Variants in WARS1 observed in about 807,000 individuals in gnomAD.
WARS1 encodes tryptophan--tRNA ligase, cytoplasmic.
Under a neutral mutation model 47.8 loss-of-function variants are expected in WARS1, and 17 were observed. The ratio of observed to expected loss-of-function variants is 0.36; its 90% confidence interval spans 0.24 to 0.53. The LOEUF (loss-of-function observed/expected upper bound fraction) is 0.53. Among genes scored for constraint, WARS1 ranks in the 20% least tolerant of loss-of-function variants. The probability of loss-of-function intolerance (pLI) is 0.91; values close to 1 mark genes in which losing one functional copy is unlikely to be tolerated. For missense variants in WARS1, 434 were observed against 608.0 expected, an observed-to-expected ratio of 0.71 and a Z score of 3.01; for synonymous variants, 208 against 228.1, an observed-to-expected ratio of 0.91 and a Z score of 0.79.
intron 2 of WARS1, chr14:100,368,359 T>G: frequency 2.2e-6 from 1 of 452,562 alleles, no homozygotes; most frequent in South Asian, 1.6e-5. Flanking sequence ...ATAATGTCAG[T>G]GTACAGATAC....
At chr14:100,369,030 C>A in intron 2 of WARS1, 57 bp downstream of exon 2, 1 of 1,317,934 alleles carries the variant, frequency 7.6e-7, no homozygotes, top group Non-Finnish European at 1.0e-6. Context: ...AGGAACACAA[C>A]CCTACAGACT....
At chr14:100,367,280 C>T (rs1397242463) in intron 2 of WARS1, among the ~76,000 whole-genome samples, 2 of 151,978 alleles carry the variant, frequency 1.3e-5, no homozygotes, top group African/African-American at 4.8e-5. Context: ...TGAGAATTAA[C>T]GGCCATGAGT....
chr14:100,348,341 G>C (rs915909239), intron 6 of WARS1, among the ~76,000 whole-genome samples: 1 of 151,798 alleles, frequency 6.6e-6, no homozygotes, highest in Admixed American at 6.6e-5. Context: ...GGCCTGTAAC[G>C]GTCAAGGTCA....
intron 2 of WARS1, chr14:100,366,890 G>C: frequency 1.9e-6 from 3 of 1,609,506 alleles, no homozygotes; most frequent in Non-Finnish European, 2.6e-6. Flanking sequence ...ATATTACCTG[G>C]AGTCCCTGAA....
At chr14:100,344,946 G>A (rs1354758512) in intron 7 of WARS1, among the ~76,000 whole-genome samples, 1 of 148,808 alleles carries the variant, frequency 6.7e-6, no homozygotes, top group Non-Finnish European at 1.5e-5. Context: ...GTCCTGGAGG[G>A]AGGTGGGGGG....
intron 2 of WARS1, chr14:100,366,003 G>A (rs1230684620): frequency 2.2e-6 from 1 of 455,912 alleles, no homozygotes; most frequent in Admixed American, 2.3e-5. Flanking sequence ...GCTGGTTGAA[G>A]TCTCTTCAAG....
At chr14:100,336,688 G>C (rs1315693545) in intron 10 of WARS1, among the ~76,000 whole-genome samples, 1 of 152,206 alleles carries the variant, frequency 6.6e-6, no homozygotes, top group Non-Finnish European at 1.5e-5. Context: ...CTGCTCACTT[G>C]AGTGTGCCTT....
chr14:100,343,529 A>G (rs1177188304), intron 7 of WARS1, 142 bp from the exon 8 acceptor site: 1 of 582,146 alleles, frequency 1.7e-6, no homozygotes, highest in Non-Finnish European at 2.9e-6. Context: ...AGTAGAAAGA[A>G]CAAGCTGTAC....
chr14:100,368,542 A>G (rs931200456), intron 2 of WARS1: 8 of 453,966 alleles, frequency 1.8e-5, no homozygotes, highest in South Asian at 1.2e-4. Context: ...AAGATCGGCT[A>G]AAAGAATTGA....
chr14:100,341,061 C>T (rs538224189), intron 9 of WARS1, among the ~76,000 whole-genome samples: 120 of 151,858 alleles, frequency 7.9e-4, no homozygotes, highest in African/African-American at 2.8e-3. Context: ...ATTATAGGTG[C>T]CTGCCACCAA....
chr14:100,338,549 G>A (rs1893906951), intron 9 of WARS1, among the ~76,000 whole-genome samples: 1 of 151,862 alleles, frequency 6.6e-6, no homozygotes, highest in Non-Finnish European at 1.5e-5. Flanking sequence ...TTACAGGTGT[G>A]AGTCACTGTG....
chr14:100,375,680 C>T (rs1896617297), upstream of WARS1: 1 of 152,204 alleles, frequency 6.6e-6, no homozygotes, highest in South Asian at 2.1e-4. Context: ...CCACCCTCAG[C>T]GTCAGTGTGA....
At position 100,361,787 on chromosome 14, in the gene WARS1, T is replaced by C; in HGVS notation, c.234A>G (p.Thr78=). The change falls in exon 3 of 11, where the codon ACA becomes ACG. Residue 78 remains threonine, a synonymous_variant. Coordinates refer to ENST00000392882, the MANE Select transcript of WARS1 (RefSeq NM_004184.4). ...GGTCCACAAAATCCTCTTCAGCTTC[T>C]GTGGCATCTGGGCCATGATTACTGG... ...APTSNHGPDA[T]EAEEDFVDPW... The C allele has an allele frequency of 6.2e-7, 1 of 1,614,214 alleles. No individual in the cohort carries two copies. Among genetic ancestry groups the C allele is most frequent in the Non-Finnish European group, 8.5e-7 (1 of 1,180,028 alleles).
At chr14:100,344,167 C>T (rs1191440083) in intron 7 of WARS1, among the ~76,000 whole-genome samples, 1 of 152,180 alleles carries the variant, frequency 6.6e-6, no homozygotes, top group Non-Finnish European at 1.5e-5. Context: ...CATCTCGGCT[C>T]ACTGCAACCT....
intron 2 of WARS1, among the ~76,000 whole-genome samples, chr14:100,364,759 T>C (rs1391577687): frequency 6.6e-6 from 1 of 152,240 alleles, no homozygotes; most frequent in Non-Finnish European, 1.5e-5. Context: ...ATTTACTAAA[T>C]GTTATTCAAA....
Position 100,360,633 on chromosome 14 carries a change from C to A in WARS1, c.343G>T (p.Glu115Ter), listed in dbSNP as rs1246598354. 3.7e-6 allele frequency: 6 copies of A among 1,613,524 alleles called. No homozygotes were observed. The part of the protein sequence containing the change: ...VRFGSSKIDK[E>*]LINRIERATG... ...GCTCTCTCTATTCGGTTTATTAGCT[C>A]TTTGTCAATTTTACTACTTCCAAAC... Residue 115 changes from glutamate (E) to a stop codon, truncating the protein, a stop_gained, in exon 4 of 11, where the codon GAG (glutamate) becomes TAG (stop). Transcript: ENST00000392882. LOFTEE classifies it high-confidence loss of function.
chr14:100,351,949 T>C (rs56293834), intron 6 of WARS1, among the ~76,000 whole-genome samples: 110,897 of 150,028 alleles, frequency 0.74, 41,802 homozygotes, highest in East Asian at 0.87. Context: ...GCCGAGATTG[T>C]GCCACTGCAC....
At position 100,334,627 on chromosome 14, in the gene WARS1, C is replaced by A. The variant is rs1893582746; in HGVS notation, c.*248G>T. 5.2e-6 allele frequency: 2 copies of A among 384,988 alleles called. No homozygotes were observed. The highest frequency in any genetic ancestry group is 1.1e-4 in the East Asian group (2 of 18,192). 23.8% of individuals were successfully genotyped at this position (384,988 alleles called of 1,614,324 possible). On this transcript the variant is annotated 3_prime_UTR_variant, in exon 11 of 11. Transcript: ENST00000392882. ...GGCTGCTTTGGGGAGAGACTCACAG[C>A]TGGACTTCTCTATCCGACCATGCAA...
chr14:100,345,111 G>C (rs1894500429), intron 7 of WARS1, among the ~76,000 whole-genome samples: 7 of 81,968 alleles, frequency 8.5e-5, no homozygotes, highest in Non-Finnish European at 1.4e-4. Context: ...CCTCTGCCCG[G>C]CCGCCCCTAC....
Sources: allele counts gnomAD v4.1 joint callset (sites outside exome capture counted in the v4.1 genomes callset), GRCh38; gene constraint gnomAD v4.1.1; transcripts MANE v1.5; gene names NCBI Gene and HGNC (gene_info 2026-07-23, HGNC 2026-07-21).